Variants in ST6GALNAC3 observed in about 807,000 individuals in gnomAD.
ST6GALNAC3 encodes ST6 N-acetylgalactosaminide alpha-2,6-sialyltransferase 3.
Under a neutral mutation model 32.7 loss-of-function variants are expected in ST6GALNAC3, and 25 were observed. That is an observed-to-expected ratio of 0.76 (90% CI 0.56 to 1.07). The LOEUF is 1.07. ST6GALNAC3 is among the 50% of genes least tolerant of loss of function. The pLI is 0.00. For synonymous variants in ST6GALNAC3, 129 were observed against 133.1 expected (o/e 0.97, Z 0.21); for missense variants, 355 against 382.4 (o/e 0.93, Z 0.60).
intron 3 of ST6GALNAC3, among the ~76,000 whole-genome samples, chr1:76,556,602 T>C (rs1320080803): frequency 6.6e-6 from 1 of 152,156 alleles, no homozygotes; most frequent in Non-Finnish European, 1.5e-5. Flanking sequence ...ATTATGGCTT[T>C]GGTTGCATTT....
chr1:76,265,649 A>C (rs1385140590), intron 1 of ST6GALNAC3, among the ~76,000 whole-genome samples: 7 of 152,238 alleles, frequency 4.6e-5, no homozygotes, highest in Non-Finnish European at 1.0e-4. Context: ...ACCCTGGCTC[A>C]GCTGCTTATT....
chr1:76,537,810 T>A (rs1201359093), intron 3 of ST6GALNAC3, among the ~76,000 whole-genome samples: 2 of 152,050 alleles, frequency 1.3e-5, no homozygotes, highest in Non-Finnish European at 2.9e-5. Flanking sequence ...CTCCCAAGAC[T>A]AAACCAGGAG....
chr1:76,496,823 C>T (rs575855797), intron 3 of ST6GALNAC3, among the ~76,000 whole-genome samples: 1 of 152,250 alleles, frequency 6.6e-6, no homozygotes, highest in East Asian at 1.9e-4. Context: ...TTTCCATATT[C>T]TTATCTGTTA....
Position 76,634,137 on chromosome 1 carries a change from T to G in ST6GALNAC3, c.*5331T>G. ...TCTTCTTTCTCCACAGATACATCTC[T>G]TTTTGTTCACGCCTTGAAGACTTCA... is the stretch of plus-strand genomic sequence containing the variant. On this transcript the variant is annotated 3_prime_UTR_variant, in exon 5 of 5. Coordinates refer to ENST00000328299, the MANE Select transcript of ST6GALNAC3 (RefSeq NM_152996.4). The G allele has an allele frequency of 1.0e-6, 1 of 985,164 alleles. No individual in the cohort carries two copies. Among genetic ancestry groups the G allele is most frequent in the Non-Finnish European group, 1.2e-6 (1 of 829,742 alleles). 61.0% of individuals were successfully genotyped at this position (985,164 alleles called of 1,614,324 possible). A position where few individuals can be genotyped will look rare whatever the true frequency, so the allele number is the denominator to read the frequency against.
chr1:76,296,046 G>A (rs912813629), intron 1 of ST6GALNAC3, among the ~76,000 whole-genome samples: 7 of 151,976 alleles, frequency 4.6e-5, no homozygotes, highest in Non-Finnish European at 5.9e-5. Flanking sequence ...TGTTCTGAAC[G>A]TTTTTATGCA....
intron 1 of ST6GALNAC3, among the ~76,000 whole-genome samples, chr1:76,289,006 T>C (rs1659931899): frequency 6.6e-6 from 1 of 152,226 alleles, no homozygotes; most frequent in Non-Finnish European, 1.5e-5. Context: ...TGCCATTGTA[T>C]ATTCACATCT....
At chr1:76,438,152 C>CTTT (rs201668914) in intron 3 of ST6GALNAC3, among the ~76,000 whole-genome samples, 2 of 144,870 alleles carry the variant, frequency 1.4e-5, no homozygotes, top group African/African-American at 2.5e-5. Flanking sequence ...CATATTCTGA[C>CTTT]TTTTTTTTTT....
chr1:76,552,040 A>G (rs1664669645), intron 3 of ST6GALNAC3, among the ~76,000 whole-genome samples: 1 of 152,182 alleles, frequency 6.6e-6, no homozygotes, highest in African/African-American at 2.4e-5. Context: ...GGGTGTGGAT[A>G]TGCAGAGACT....
chr1:76,616,763 G>C (rs1020546018), intron 3 of ST6GALNAC3, among the ~76,000 whole-genome samples: 1 of 152,040 alleles, frequency 6.6e-6, no homozygotes, highest in Non-Finnish European at 1.5e-5. Flanking sequence ...ATTAATAGAT[G>C]GGGTTGCTGG....
At chr1:76,416,983 G>A (rs921109407) in intron 3 of ST6GALNAC3, among the ~76,000 whole-genome samples, 1 of 151,988 alleles carries the variant, frequency 6.6e-6, no homozygotes, top group African/African-American at 2.4e-5. Flanking sequence ...AGCAGTAGAA[G>A]AAATATGTAT....
chr1:76,558,498 C>A (rs1028633660), intron 3 of ST6GALNAC3, among the ~76,000 whole-genome samples: 2 of 152,142 alleles, frequency 1.3e-5, no homozygotes, highest in African/African-American at 4.8e-5. Flanking sequence ...AACAGAAAAT[C>A]AAATGCCACA....
chr1:76,290,058 T>C (rs949709528), intron 1 of ST6GALNAC3, among the ~76,000 whole-genome samples: 6 of 152,226 alleles, frequency 3.9e-5, no homozygotes, highest in African/African-American at 1.4e-4. Context: ...TCTTTCTCTT[T>C]TGAAATAGTT....
chr1:76,545,486 G>A (rs1178661658), intron 3 of ST6GALNAC3, among the ~76,000 whole-genome samples: 1 of 151,934 alleles, frequency 6.6e-6, no homozygotes, highest in East Asian at 1.9e-4. Context: ...AATCAACCAG[G>A]TTGAATATGG....
At chr1:76,298,834 A>G (rs1660561582) in intron 1 of ST6GALNAC3, among the ~76,000 whole-genome samples, 1 of 152,070 alleles carries the variant, frequency 6.6e-6, no homozygotes, top group Non-Finnish European at 1.5e-5. Context: ...TGCCACTTGC[A>G]CATCCCATGG....
intron 3 of ST6GALNAC3, among the ~76,000 whole-genome samples, chr1:76,439,423 G>T (rs1656387826): frequency 1.3e-5 from 2 of 152,202 alleles, no homozygotes. Flanking sequence ...AAGGTCCGGG[G>T]CTTTGAAAAG....
intron 1 of ST6GALNAC3, among the ~76,000 whole-genome samples, chr1:76,144,718 AT>A (rs1650568527): frequency 1.3e-5 from 2 of 152,218 alleles, no homozygotes; most frequent in Admixed American, 1.3e-4. Flanking sequence ...AAACTAGTCT[AT>A]AGTTCCTGGT....
intron 1 of ST6GALNAC3, among the ~76,000 whole-genome samples, chr1:76,151,830 G>C (rs1651064710): frequency 6.6e-6 from 1 of 152,192 alleles, no homozygotes; most frequent in Non-Finnish European, 1.5e-5. Context: ...AGGGATGCTA[G>C]ATGGGAGTCT....
chr1:76,305,322 C>T (rs563680686), intron 1 of ST6GALNAC3, among the ~76,000 whole-genome samples: 6 of 151,982 alleles, frequency 3.9e-5, no homozygotes, highest in Non-Finnish European at 5.9e-5. Context: ...TGACAGAATC[C>T]GGGAGCCTAA....
intron 3 of ST6GALNAC3, among the ~76,000 whole-genome samples, chr1:76,621,332 C>A (rs1648634950): frequency 6.6e-6 from 1 of 151,988 alleles, no homozygotes; most frequent in African/African-American, 2.4e-5. Context: ...GCCTGGATTC[C>A]TTTCACTTGG....
Sources: allele counts gnomAD v4.1 joint callset (sites outside exome capture counted in the v4.1 genomes callset), GRCh38; gene constraint gnomAD v4.1.1; transcripts MANE v1.5; gene names NCBI Gene and HGNC (gene_info 2026-07-23, HGNC 2026-07-21).